TAOK1: variants seen among roughly 807,000 people sequenced by gnomAD.
TAOK1 encodes serine/threonine-protein kinase TAO1.
Under a neutral mutation model 138.3 loss-of-function variants are expected in TAOK1, and 21 were observed. The observed-to-expected ratio is 0.15, with a 90% confidence interval of 0.11 to 0.22. TAOK1 has a LOEUF of 0.22. TAOK1 is among the 10% of genes least tolerant of loss of function. The pLI, the probability that TAOK1 is intolerant of heterozygous loss-of-function variation, is 1.00. For synonymous variants in TAOK1, 361 were observed against 398.4 expected, an observed-to-expected ratio of 0.91 and a Z score of 1.12; for missense variants, 651 against 1,227.7, an observed-to-expected ratio of 0.53 and a Z score of 7.02.
chr17:29,394,111 T>C (rs574469002), intron 1 of TAOK1, among the ~76,000 whole-genome samples: 24 of 144,008 alleles, frequency 1.7e-4, no homozygotes, highest in Admixed American at 5.7e-4. Context: ...TGGATGCTCA[T>C]AACTAACCAT....
In TAOK1 at chr17:29,547,781, T is replaced by A. The variant is rs1262861559; in HGVS notation, c.*4759T>A. 5 of 152,198 alleles carry A rather than the reference T, an allele frequency of 3.3e-5. No homozygotes were observed. The East Asian group carries it at 9.7e-4, about 29-fold the overall frequency. The allele number at this position is 152,198 out of a possible 1,614,324, so 9.4% of individuals were successfully genotyped here. A position where few individuals can be genotyped will look rare whatever the true frequency, so the allele number is the denominator to read the frequency against. On this transcript the variant is annotated 3_prime_UTR_variant, in exon 20 of 20. Coordinates refer to ENST00000261716, the MANE Select transcript of TAOK1 (RefSeq NM_020791.4). ...CCCCCAACCAGGTTGTAGCATTGCC[T>A]TTTAAAAGAGACTCACTCACTCTTA...
intron 1 of TAOK1, among the ~76,000 whole-genome samples, chr17:29,440,711 G>A (rs1357875256): frequency 6.6e-6 from 1 of 152,042 alleles, no homozygotes. Context: ...GAGTAGCTGG[G>A]ATTACAGGCA....
At chr17:29,393,644 G>A (rs1904499670) in intron 1 of TAOK1, among the ~76,000 whole-genome samples, 1 of 152,114 alleles carries the variant, frequency 6.6e-6, no homozygotes, top group Non-Finnish European at 1.5e-5. Context: ...TTCACAACTG[G>A]CTCTTTCACT....
intron 2 of TAOK1, among the ~76,000 whole-genome samples, chr17:29,452,939 A>T (rs1314959822): frequency 1.2e-4 from 18 of 152,148 alleles, no homozygotes; most frequent in Non-Finnish European, 1.5e-5. Flanking sequence ...TGCTGCCATG[A>T]ACATTGATGT....
At position 29,400,937 on chromosome 17, in the gene TAOK1, G is replaced by T. The variant is rs1382417505; in HGVS notation, c.-95+9913G>T. Among the ~76,000 whole-genome samples, 13 of 133,054 alleles carry T rather than the reference G, an allele frequency of 9.8e-5. No homozygotes were observed. In the Admixed American group the frequency reaches 1.1e-3, roughly 11 times the overall value. The allele number at this position is 133,054 out of a possible 152,430, so 87.3% of individuals were successfully genotyped here. A position where few individuals can be genotyped will look rare whatever the true frequency, so the allele number is the denominator to read the frequency against. ...TTTTTTTTTTTTTTTTGATGCCAGG[G>T]TCTTGCTCTGTTGCCCAGGCTGGAA... On this transcript the variant is annotated intron_variant, in intron 1 of 19. Transcript: ENST00000261716.
At chr17:29,530,870 T>G in intron 18 of TAOK1, 1 of 504,002 alleles carries the variant, frequency 2.0e-6, no homozygotes, top group Non-Finnish European at 3.6e-6. Context: ...CCTAACACCT[T>G]ATTGAGATTA....
At chr17:29,494,825 CAAAAAAA>C (rs368548444) in intron 10 of TAOK1, among the ~76,000 whole-genome samples, 8 of 48,302 alleles carry the variant, frequency 1.7e-4, no homozygotes, top group African/African-American at 3.0e-4. Context: ...GACTCCGTCT[CAAAAAAA>C]AAAAAAAAAA....
At chr17:29,525,987 C>T (rs928597247) in intron 17 of TAOK1, among the ~76,000 whole-genome samples, 1 of 152,092 alleles carries the variant, frequency 6.6e-6, no homozygotes, top group Non-Finnish European at 1.5e-5. Flanking sequence ...CAGAGCGAGA[C>T]TCCGTCTCAA....
chr17:29,519,529 A>G (rs2031879592), intron 16 of TAOK1, among the ~76,000 whole-genome samples: 1 of 151,164 alleles, frequency 6.6e-6, no homozygotes, highest in African/African-American at 2.4e-5. Flanking sequence ...AGAAAAAAAA[A>G]GAAAAGAAAA....
At position 29,522,337 on chromosome 17, in the gene TAOK1, C is replaced by T; in HGVS notation, c.1966C>T (p.His656Tyr). 1 of 1,614,210 alleles carries T rather than the reference C, an allele frequency of 6.2e-7. No homozygotes were observed. Among genetic ancestry groups the T allele is most frequent in the Non-Finnish European group, 8.5e-7 (1 of 1,180,050 alleles). Reference sequence around the variant, plus strand: ...AGAGCATGCCATGCTACTCCGACAGCATGAATCTATGCAAGAACTGGAGTT... The same window carrying T: ...AGAGCATGCCATGCTACTCCGACAGTATGAATCTATGCAAGAACTGGAGTT... ...DLEHAMLLRQ[H>Y]ESMQELEFRH... The change falls in exon 17 of 20, where the codon CAT becomes TAT. Residue 656 changes from histidine (H) to tyrosine (Y), a missense_variant. Physicochemically the swap from His to Tyr is moderately conservative, Grantham distance 83 (BLOSUM62 2). This residue lies in a region of TAOK1 where 258 missense variants were observed against 548.9 expected (regional missense o/e 0.47). Coordinates refer to ENST00000261716, the MANE Select transcript of TAOK1 (RefSeq NM_020791.4).
chr17:29,459,898 C>G (rs1361903644), intron 2 of TAOK1, among the ~76,000 whole-genome samples: 1 of 152,154 alleles, frequency 6.6e-6, no homozygotes, highest in African/African-American at 2.4e-5. Flanking sequence ...TTCTCCACAT[C>G]CTCACTAGTC....
chr17:29,430,361 G>A (rs1485684459), intron 1 of TAOK1, among the ~76,000 whole-genome samples: 2 of 152,154 alleles, frequency 1.3e-5, no homozygotes, highest in Non-Finnish European at 2.9e-5. Flanking sequence ...CAGTCTGATT[G>A]GTTGGGGAAA....
chr17:29,522,147 CTT>C, intron 16 of TAOK1, 131 bp from the exon 17 acceptor site: 1 of 1,194,058 alleles, frequency 8.4e-7, no homozygotes, highest in Non-Finnish European at 1.1e-6. Context: ...TCACAACCCT[CTT>C]ATTTACTATG....
rs752934182 is a variant in TAOK1 at position 29,507,970 on chromosome 17, G to A, written c.1413G>A (p.Arg471=). ...REQMSGYKRM[R]RQHQKQLMTL... is the part of the protein sequence containing the mutation. ...AAATGTCTGGCTATAAGCGAATGAG[G>A]CGACAACATCAAAAGCAACTGATGA... The change falls in exon 14 of 20, where the codon AGG becomes AGA. Residue 471 remains arginine, a synonymous_variant. Coordinates refer to ENST00000261716, the MANE Select transcript of TAOK1 (RefSeq NM_020791.4). The A allele has an allele frequency of 5.6e-6, 9 of 1,614,058 alleles. No individual in the cohort carries two copies. In the South Asian group the frequency reaches 9.9e-5, roughly 18 times the overall value.
chr17:29,448,826 A>T (rs2030160514), intron 1 of TAOK1, among the ~76,000 whole-genome samples: 1 of 152,186 alleles, frequency 6.6e-6, no homozygotes, highest in East Asian at 1.9e-4. Context: ...AAGGGGTAGA[A>T]GCTGGAGAGA....
At chr17:29,409,171 T>C (rs1905076932) in intron 1 of TAOK1, among the ~76,000 whole-genome samples, 2 of 151,968 alleles carry the variant, frequency 1.3e-5, no homozygotes, top group South Asian at 4.1e-4. Flanking sequence ...CATTTCTTTT[T>C]ATTGCTTAGT....
chr17:29,548,837 T>G lies in TAOK1; in HGVS notation c.*5815T>G, dbSNP rs767856333. ...CAGTTGTGGTCCTAGCATCTAACCC[T>G]GAAACCATCCTAGGTGACATTTTTA... is the stretch of plus-strand genomic sequence containing the variant. On this transcript the variant is annotated 3_prime_UTR_variant, in exon 20 of 20. Transcript: ENST00000261716. The G allele has an allele frequency of 9.2e-5, 14 of 152,174 alleles. No homozygotes were observed. Among genetic ancestry groups the G allele is most frequent in the Non-Finnish European group, 1.6e-4 (11 of 68,002 alleles). The allele number at this position is 152,174 out of a possible 1,614,324, so 9.4% of individuals were successfully genotyped here.
chr17:29,412,086 A>T (rs750886678), intron 1 of TAOK1, among the ~76,000 whole-genome samples: 4 of 150,776 alleles, frequency 2.7e-5, no homozygotes, highest in African/African-American at 4.9e-5. Context: ...TCTGTCACCC[A>T]GGCTGGAGTG....
chr17:29,396,592 G>A (rs1904607740), intron 1 of TAOK1, among the ~76,000 whole-genome samples: 1 of 152,164 alleles, frequency 6.6e-6, no homozygotes, highest in East Asian at 1.9e-4. Flanking sequence ...ATGAATTACT[G>A]TAACATTTAG....
Sources: gnomAD v4.1 joint callset for allele counts (sites outside exome capture counted in the v4.1 genomes callset) on GRCh38, gnomAD v4.1.1 for gene constraint, gnomAD v4.1.1 regional missense constraint, MANE v1.5 for transcripts, NCBI Gene and HGNC (gene_info 2026-07-23, HGNC 2026-07-21) for gene names.